NAV2: variants seen among roughly 807,000 people sequenced by gnomAD.
NAV2 encodes the protein helicase, APC down-regulated 1.
Under a neutral mutation model 223.2 loss-of-function variants are expected in NAV2, and 54 were observed. That is an observed-to-expected ratio of 0.24 (90% CI 0.19 to 0.30). NAV2 has a LOEUF of 0.30. Among genes scored for constraint, NAV2 ranks in the 10% least tolerant of loss-of-function variants. The pLI is 1.00. For missense variants in NAV2, 2,806 were observed against 3,147.5 expected (o/e 0.89, Z 2.60); for synonymous variants, 1,279 against 1,239.3 (o/e 1.03, Z -0.67).
At chr11:19,859,913 G>C (rs1487667063) in intron 3 of NAV2, among the ~76,000 whole-genome samples, 1 of 140,450 alleles carries the variant, frequency 7.1e-6, no homozygotes, top group African/African-American at 2.7e-5. Flanking sequence ...TGGCCGGGCA[G>C]AGGGGCTCCT....
At chr11:19,464,887 C>T (rs1852295943) in intron 1 of NAV2, among the ~76,000 whole-genome samples, 1 of 152,220 alleles carries the variant, frequency 6.6e-6, no homozygotes, top group Non-Finnish European at 1.5e-5. Context: ...TTGAAGATAA[C>T]TTTCATGGCC....
intron 10 of NAV2, among the ~76,000 whole-genome samples, chr11:19,974,333 G>A (rs965447683): frequency 6.6e-5 from 10 of 152,148 alleles, no homozygotes; most frequent in Non-Finnish European, 1.5e-4. Context: ...TTAAGGTGGT[G>A]GAATTATATT....
At chr11:19,448,476 G>A (rs1196098975) in intron 1 of NAV2, among the ~76,000 whole-genome samples, 1 of 152,214 alleles carries the variant, frequency 6.6e-6, no homozygotes, top group Non-Finnish European at 1.5e-5. Context: ...CATCAGAAAT[G>A]CAGATGGCCA....
intron 1 of NAV2, among the ~76,000 whole-genome samples, chr11:19,512,173 G>A (rs1034007722): frequency 5.9e-5 from 9 of 152,152 alleles, no homozygotes; most frequent in African/African-American, 2.2e-4. Flanking sequence ...GCTCTGTTGG[G>A]ACTCTGAGGG....
intron 1 of NAV2, among the ~76,000 whole-genome samples, chr11:19,596,735 G>C (rs2135198806): frequency 6.6e-6 from 1 of 152,318 alleles, no homozygotes; most frequent in Admixed American, 6.5e-5. Flanking sequence ...GCCATGCTCA[G>C]ACAATGAGTT....
chr11:19,497,609 C>T (rs2042838242), intron 1 of NAV2, among the ~76,000 whole-genome samples: 1 of 152,274 alleles, frequency 6.6e-6, no homozygotes, highest in Admixed American at 6.5e-5. Context: ...AGCTGCAGGC[C>T]TTGGCCTCAG....
At chr11:19,601,760 G>T (rs971368906) in intron 1 of NAV2, among the ~76,000 whole-genome samples, 5 of 152,176 alleles carry the variant, frequency 3.3e-5, no homozygotes, top group Non-Finnish European at 7.3e-5. Flanking sequence ...TGACACTAAA[G>T]CTCAGTTGTT....
At chr11:19,622,928 C>T (rs2047047020) in intron 1 of NAV2, among the ~76,000 whole-genome samples, 1 of 152,092 alleles carries the variant, frequency 6.6e-6, no homozygotes, top group Non-Finnish European at 1.5e-5. Flanking sequence ...ATGTTTAGTG[C>T]TTCCTTCAGG....
At chr11:19,801,901 G>C (rs919619635) in intron 1 of NAV2, among the ~76,000 whole-genome samples, 1 of 152,162 alleles carries the variant, frequency 6.6e-6, no homozygotes, top group Non-Finnish European at 1.5e-5. Context: ...ATGCCACATA[G>C]TGTGTGCTTA....
At chr11:19,479,881 T>C (rs919141902) in intron 1 of NAV2, among the ~76,000 whole-genome samples, 13 of 152,118 alleles carry the variant, frequency 8.5e-5, no homozygotes, top group African/African-American at 1.4e-4. Flanking sequence ...CCACCTCCAG[T>C]TGAAAAAGAA....
chr11:19,773,176 T>C (rs747175069), intron 1 of NAV2, among the ~76,000 whole-genome samples: 19 of 152,190 alleles, frequency 1.2e-4, no homozygotes, highest in Non-Finnish European at 2.8e-4. Flanking sequence ...ATCATGTGGC[T>C]GCCATAGCTG....
chr11:19,413,066 G>A (rs1250491119), intron 1 of NAV2, among the ~76,000 whole-genome samples: 3 of 152,140 alleles, frequency 2.0e-5, no homozygotes, highest in Admixed American at 6.5e-5. Context: ...AAAACTGGAC[G>A]GAGAATGAGT....
At chr11:19,853,732 C>T (rs1271397867) in intron 3 of NAV2, among the ~76,000 whole-genome samples, 3 of 148,896 alleles carry the variant, frequency 2.0e-5, no homozygotes, top group African/African-American at 5.0e-5. Flanking sequence ...CTACCCTCTT[C>T]CAGCTCACTT....
At chr11:20,082,879 G>C (rs2060177143) in intron 25 of NAV2, 128 bp from the exon 26 acceptor site, 1 of 917,844 alleles carries the variant, frequency 1.1e-6, no homozygotes, top group African/African-American at 1.7e-5. Flanking sequence ...GAGCTCTTGG[G>C]AACCTCTTCC....
chr11:20,074,776 T>A (rs1412501579), intron 22 of NAV2, among the ~76,000 whole-genome samples: 6 of 127,874 alleles, frequency 4.7e-5, no homozygotes, highest in Admixed American at 2.4e-4. Flanking sequence ...TTTTTTTTTT[T>A]GCTTTCCATT....
chr11:19,444,553 G>A (rs1564940569), intron 1 of NAV2, among the ~76,000 whole-genome samples: 2 of 151,004 alleles, frequency 1.3e-5, no homozygotes, highest in Admixed American at 6.6e-5. Flanking sequence ...CTGTAGAACC[G>A]GCCCCCCACT....
chr11:20,041,444 G>C (rs2056907539), intron 12 of NAV2, among the ~76,000 whole-genome samples: 1 of 152,192 alleles, frequency 6.6e-6, no homozygotes, highest in Non-Finnish European at 1.5e-5. Flanking sequence ...CTGGGACGTA[G>C]TAAGTACTCA....
intron 6 of NAV2, among the ~76,000 whole-genome samples, chr11:19,897,237 G>A (rs1438293051): frequency 6.6e-6 from 1 of 152,126 alleles, no homozygotes; most frequent in Non-Finnish European, 1.5e-5. Context: ...CTGTTGTGGG[G>A]TGGGGGGAGG....
intron 1 of NAV2, among the ~76,000 whole-genome samples, chr11:19,812,362 C>T (rs183294258): frequency 6.6e-6 from 1 of 152,158 alleles, no homozygotes; most frequent in African/African-American, 2.4e-5. Flanking sequence ...TCCCTCCACT[C>T]CTGGCCATTC....
Sources: gnomAD v4.1 joint callset for allele counts (sites outside exome capture counted in the v4.1 genomes callset) on GRCh38, gnomAD v4.1.1 for gene constraint, MANE v1.5 for transcripts, NCBI Gene and HGNC (gene_info 2026-07-23, HGNC 2026-07-21) for gene names.